MPV17L: variants seen among roughly 807,000 people sequenced by gnomAD.
MPV17L encodes the protein MPV17 mitochondrial inner membrane protein like.
A neutral mutation model predicts 25.8 loss-of-function variants in MPV17L; 24 were observed. That is an observed-to-expected ratio of 0.93 (90% CI 0.67 to 1.31). The LOEUF (loss-of-function observed/expected upper bound fraction) is 1.31. Among genes scored for constraint, MPV17L ranks in the 50% most tolerant of loss-of-function variants. The pLI, the probability that MPV17L is intolerant of heterozygous loss-of-function variation, is 0.00. For synonymous variants in MPV17L, 102 were observed against 115.3 expected (o/e 0.88, Z 0.74); for missense variants, 250 against 265.6 (o/e 0.94, Z 0.41).
At chr16:15,397,858 C>T (rs2050600791) in intron 1 of MPV17L, among the ~76,000 whole-genome samples, 1 of 152,102 alleles carries the variant, frequency 6.6e-6, no homozygotes. Flanking sequence ...GTCAGGAGAG[C>T]AGGCAGCCTG....
intron 1 of MPV17L, chr16:15,399,555 A>T (rs573565707): frequency 1.8e-5 from 6 of 330,242 alleles, no homozygotes; most frequent in African/African-American, 1.3e-4. Context: ...ACAGGCACGC[A>T]CCCCTATACC....
In MPV17L at chr16:15,400,798, C is replaced by A; in HGVS notation, c.322C>A (p.Leu108Ile). The change falls in exon 2 of 4, where the codon CTC (leucine) becomes ATC (isoleucine). Residue 108 changes from leucine to isoleucine, a missense_variant. Physicochemically the swap from Leu to Ile is conservative, Grantham distance 5 (BLOSUM62 2). Transcript: ENST00000396385. ...GGTTTTGCAAATAGGTATGAGCATT[C>A]TCCAAGGAAAGGATGACATATTTTT... ...VSAFYVGMSI[L>I]QGKDDIFLDL... 1 of 1,604,188 alleles carries A rather than the reference C, an allele frequency of 6.2e-7. No individual in the cohort carries two copies. Among genetic ancestry groups the A allele is most frequent in the Non-Finnish European group, 8.5e-7 (1 of 1,175,362 alleles).
At chr16:15,401,913 AATG>A (rs1313122992) in intron 2 of MPV17L, among the ~76,000 whole-genome samples, 3 of 152,218 alleles carry the variant, frequency 2.0e-5, no homozygotes, top group Non-Finnish European at 4.4e-5. Flanking sequence ...AACTCTTAGT[AATG>A]ATCACAATTT....
chr16:15,407,904 G>T, intron 3 of MPV17L, 29 bp from the exon 4 acceptor site: 1 of 1,613,264 alleles, frequency 6.2e-7, no homozygotes, highest in Non-Finnish European at 8.5e-7. Context: ...GTTTCCATGT[G>T]GCCCTAACGG....
chr16:15,398,231 A>T (rs1343120370), intron 1 of MPV17L, among the ~76,000 whole-genome samples: 1 of 151,972 alleles, frequency 6.6e-6, no homozygotes, highest in Non-Finnish European at 1.5e-5. Context: ...TTTAATGGAG[A>T]TGGGGTTTCA....
chr16:15,404,037 C>G (rs1276108036), intron 2 of MPV17L, among the ~76,000 whole-genome samples: 1 of 151,874 alleles, frequency 6.6e-6, no homozygotes, highest in African/African-American at 2.4e-5. Flanking sequence ...CCCAGGAGGT[C>G]GAGACTGCAG....
chr16:15,407,577 A>T (rs567261988), intron 2 of MPV17L, among the ~76,000 whole-genome samples: 23 of 152,130 alleles, frequency 1.5e-4, no homozygotes, highest in Admixed American at 6.6e-4. Flanking sequence ...ACCCGTCTCT[A>T]CTAAAAATAC....
intron 2 of MPV17L, among the ~76,000 whole-genome samples, chr16:15,407,377 C>A (rs757412937): frequency 1.6e-4 from 24 of 152,200 alleles, no homozygotes; most frequent in Middle Eastern, 3.4e-3. Flanking sequence ...TATAATACTA[C>A]CTAGGCATCT....
chr16:15,409,397 A>C lies in MPV17L; in HGVS notation c.*1285A>C, dbSNP rs1225649747. 1 of 152,350 alleles carries C rather than the reference A, an allele frequency of 6.6e-6. No individual in the cohort carries two copies. Among genetic ancestry groups the C allele is most frequent in the Non-Finnish European group, 1.5e-5 (1 of 68,090 alleles). 9.4% of individuals were successfully genotyped at this position (152,350 alleles called of 1,614,324 possible). A position where few individuals can be genotyped will look rare whatever the true frequency, so the allele number is the denominator to read the frequency against. On this transcript the variant is annotated 3_prime_UTR_variant, in exon 4 of 4. Transcript: ENST00000396385. ...AAGTTACTGAAGATCCACAGAAGTG[A>C]AAATAGCCTTAACTGATGACATTGC...
Position 15,410,023 on chromosome 16 carries a change from G to T in MPV17L, c.*1911G>T, listed in dbSNP as rs1266945865. On this transcript the variant is annotated 3_prime_UTR_variant, in exon 4 of 4. Transcript: ENST00000396385. ...TCCAATTTCACACTGATGTTATTTT[G>T]TGAAAATCAGTGCTTTAAGATAAAT... 4 of 152,076 alleles carry T rather than the reference G, an allele frequency of 2.6e-5. No homozygotes were observed. Among genetic ancestry groups the T allele is most frequent in the Admixed American group, 1.3e-4 (2 of 15,250 alleles). 9.4% of individuals were successfully genotyped at this position (152,076 alleles called of 1,614,324 possible).
Position 15,410,107 on chromosome 16 carries a change from C to G in MPV17L, c.*1995C>G, listed in dbSNP as rs2050720012. 2 of 152,056 alleles carry G rather than the reference C, an allele frequency of 1.3e-5. No individual in the cohort carries two copies. Among genetic ancestry groups the G allele is most frequent in the Admixed American group, 6.6e-5 (1 of 15,242 alleles). 9.4% of individuals were successfully genotyped at this position (152,056 alleles called of 1,614,324 possible). ...TCTAATATTTAATATTTATTCAGTT[C>G]TACACTTTATTAACTTCTACACCAG... On this transcript the variant is annotated 3_prime_UTR_variant, in exon 4 of 4. Coordinates refer to ENST00000396385, the MANE Select transcript of MPV17L (RefSeq NM_001128423.2).
At chr16:15,403,978 C>T (rs2050660542) in intron 2 of MPV17L, among the ~76,000 whole-genome samples, 1 of 151,598 alleles carries the variant, frequency 6.6e-6, no homozygotes, top group Non-Finnish European at 1.5e-5. Context: ...CCATCCTCGC[C>T]AACTTGATGA....
At chr16:15,401,078 A>ATTTTTTTTTTTTTTT (rs1276728521) in intron 2 of MPV17L, among the ~76,000 whole-genome samples, 1 of 30,946 alleles carries the variant, frequency 3.2e-5, no homozygotes, top group Non-Finnish European at 7.9e-5. Flanking sequence ...ATATATATAT[A>ATTTTTTTTTTTTTTT]TATATATATT....
rs1396003588 is a variant in MPV17L at position 15,412,858 on chromosome 16, G to T, written c.*4746G>T. 6.6e-6 allele frequency: 1 copy of T among 151,910 alleles called. No individual in the cohort carries two copies. The highest frequency in any genetic ancestry group is 6.6e-5 in the Admixed American group (1 of 15,216). 9.4% of individuals were successfully genotyped at this position (151,910 alleles called of 1,614,324 possible). A position where few individuals can be genotyped will look rare whatever the true frequency, so the allele number is the denominator to read the frequency against. ...GCCTCCCAGAGTGCTGGGATTACAG[G>T]TGTGAGCCACCGCGCCCGGCCTGGA... On this transcript the variant is annotated 3_prime_UTR_variant, in exon 4 of 4. Coordinates refer to ENST00000396385, the MANE Select transcript of MPV17L (RefSeq NM_001128423.2).
intron 2 of MPV17L, among the ~76,000 whole-genome samples, chr16:15,406,905 G>A (rs1010824259): frequency 2.0e-5 from 3 of 151,760 alleles, no homozygotes; most frequent in Admixed American, 6.6e-5. Context: ...CAGACTAAGC[G>A]ACAGAATGAG....
At chr16:15,404,732 G>A (rs2050666359) in intron 2 of MPV17L, among the ~76,000 whole-genome samples, 1 of 152,124 alleles carries the variant, frequency 6.6e-6, no homozygotes, top group African/African-American at 2.4e-5. Context: ...TGAGGCAGGA[G>A]AATCACTTGA....
rs1357830333 is a variant in MPV17L at position 15,408,692 on chromosome 16, C to T, written c.*580C>T. 2 of 149,148 alleles carry T rather than the reference C, an allele frequency of 1.3e-5. No individual in the cohort carries two copies. Among genetic ancestry groups the T allele is most frequent in the African/African-American group, 4.9e-5 (2 of 40,508 alleles). 9.2% of individuals were successfully genotyped at this position (149,148 alleles called of 1,614,324 possible). On this transcript the variant is annotated 3_prime_UTR_variant, in exon 4 of 4. Coordinates refer to ENST00000396385, the MANE Select transcript of MPV17L (RefSeq NM_001128423.2). ...ATCGCGGCTCACTGCAGCCTCCATC[C>T]TCTGGGTTCAAGCAATTCTCCTGCC...
intron 1 of MPV17L, among the ~76,000 whole-genome samples, chr16:15,397,358 C>G (rs1179023542): frequency 6.6e-6 from 1 of 152,162 alleles, no homozygotes. Context: ...CCTGGGGTCA[C>G]TTAGGAGCTG....
At chr16:15,396,280 A>G (rs2050582932) in intron 1 of MPV17L, 73 bp downstream of exon 1, 1 of 1,507,546 alleles carries the variant, frequency 6.6e-7, no homozygotes, top group African/African-American at 1.4e-5. Context: ...TCGGGGATCA[A>G]GCGGCTGGAG....
Sources: allele counts gnomAD v4.1 joint callset (sites outside exome capture counted in the v4.1 genomes callset), GRCh38; gene constraint gnomAD v4.1.1; transcripts MANE v1.5; gene names NCBI Gene and HGNC (gene_info 2026-07-23, HGNC 2026-07-21).